The following SH3RF1 variants were observed in gnomAD, a reference collection of about 807,000 sequenced individuals.
The protein encoded by SH3RF1 is SH3 domain containing ring finger 1.
SH3RF1 carries 32 observed loss-of-function variants against 74.0 expected under a neutral mutation model. The ratio of observed to expected loss-of-function variants is 0.43; its 90% CI spans 0.33 to 0.58. SH3RF1 has a LOEUF of 0.58. Ranked by LOEUF, SH3RF1 falls within the 20% of genes least tolerant of loss-of-function variation. SH3RF1 has a pLI of 0.05. For missense variants in SH3RF1, 954 were observed against 1,130.9 expected, an observed-to-expected ratio of 0.84 and a Z score of 2.24; for synonymous variants, 396 against 439.6, an observed-to-expected ratio of 0.90 and a Z score of 1.24.
chr4:169,253,858 G>A (rs1731143608), intron 2 of SH3RF1, among the ~76,000 whole-genome samples: 1 of 152,140 alleles, frequency 6.6e-6, no homozygotes, highest in East Asian at 1.9e-4. Context: ...TGTGCCTGGG[G>A]GATAGGAGAT....
intron 6 of SH3RF1, among the ~76,000 whole-genome samples, chr4:169,127,356 C>A (rs1398850086): frequency 6.6e-6 from 1 of 152,206 alleles, no homozygotes; most frequent in Admixed American, 6.5e-5. Flanking sequence ...GAAAAGCCTG[C>A]CTTCTTTTCT....
At chr4:169,136,235 T>C in intron 5 of SH3RF1, 83 bp downstream of exon 5, 2 of 1,294,038 alleles carry the variant, frequency 1.5e-6, no homozygotes, top group Non-Finnish European at 2.0e-6. Flanking sequence ...AAGCAATGTT[T>C]GTCAGCCAGT....
chr4:169,144,912 ATAG>A (rs1453425959), intron 4 of SH3RF1, among the ~76,000 whole-genome samples: 1 of 152,162 alleles, frequency 6.6e-6, no homozygotes, highest in Non-Finnish European at 1.5e-5. Context: ...AGAGAAGAAA[ATAG>A]TAGGGGTAAG....
chr4:169,198,681 GAATA>G (rs914295965), intron 2 of SH3RF1, among the ~76,000 whole-genome samples: 12 of 151,956 alleles, frequency 7.9e-5, no homozygotes, highest in South Asian at 2.1e-4. Flanking sequence ...TTACTAAAGA[GAATA>G]AATAAAAAGA....
chr4:169,213,081 A>G (rs1423756715), intron 2 of SH3RF1, among the ~76,000 whole-genome samples: 1 of 152,208 alleles, frequency 6.6e-6, no homozygotes, highest in African/African-American at 2.4e-5. Flanking sequence ...ATATAGTAAG[A>G]GTATGTTTCG....
intron 2 of SH3RF1, among the ~76,000 whole-genome samples, chr4:169,176,754 T>C (rs1464808466): frequency 1.3e-5 from 2 of 152,140 alleles, no homozygotes; most frequent in Admixed American, 6.5e-5. Context: ...TTGGCTAGGC[T>C]GGTCTCGAAC....
chr4:169,137,194 C>A (rs576803254), intron 4 of SH3RF1, among the ~76,000 whole-genome samples: 65 of 152,316 alleles, frequency 4.3e-4, no homozygotes, highest in Non-Finnish European at 8.1e-4. Context: ...CTGGCAGAAA[C>A]TCTTAATATG....
chr4:169,236,809 A>T (rs572536843), intron 2 of SH3RF1, among the ~76,000 whole-genome samples: 1 of 152,350 alleles, frequency 6.6e-6, no homozygotes, highest in South Asian at 2.1e-4. Context: ...CCATAATAAA[A>T]TGCTACATAT....
rs1178851618 is a variant in SH3RF1 at position 169,270,870 on chromosome 4, GCTC to G, written c.-110_-108del. On this transcript the variant is annotated 5_prime_UTR_variant, in exon 1 of 12. Transcript: ENST00000284637. Reference sequence around the variant, plus strand: ...GCCGCGCGCCCTACCTCGCGCCTCGGCTCCTCCTCTTTGTTCGCGGCCCCGCAG... The same window carrying G: ...GCCGCGCGCCCTACCTCGCGCCTCGGCTCCTCTTTGTTCGCGGCCCCGCAG... 6.6e-6 allele frequency: 1 copy of G among 151,400 alleles called. No homozygotes were observed. Among genetic ancestry groups the G allele is most frequent in the Non-Finnish European group, 1.5e-5 (1 of 67,874 alleles). The allele number at this position is 151,400 out of a possible 1,614,324, so 9.4% of individuals were successfully genotyped here.
Position 169,267,109 on chromosome 4 carries a change from C to G in SH3RF1, c.393+1711G>C, listed in dbSNP as rs760727741. 1.7e-3 allele frequency among the ~76,000 whole-genome samples: 258 copies of G among 152,170 alleles called. 3 individuals carry two copies. Among genetic ancestry groups the G allele is most frequent in the Non-Finnish European group, 1.4e-3 (93 of 68,026 alleles). On this transcript the variant is annotated intron_variant, in intron 2 of 11. Coordinates refer to ENST00000284637, the MANE Select transcript of SH3RF1 (RefSeq NM_020870.4). ...TACCTATGAAGTTCAATTTTGGGAG[C>G]TTAGCAGTTCAGATAAATGAGAATT...
At chr4:169,180,944 G>A (rs1248977155) in intron 2 of SH3RF1, among the ~76,000 whole-genome samples, 3 of 152,122 alleles carry the variant, frequency 2.0e-5, no homozygotes, top group African/African-American at 7.2e-5. Flanking sequence ...GGGTTTGAAG[G>A]GTTTCACCTG....
At chr4:169,253,540 T>C (rs932066102) in intron 2 of SH3RF1, among the ~76,000 whole-genome samples, 5 of 152,180 alleles carry the variant, frequency 3.3e-5, no homozygotes, top group Admixed American at 2.6e-4. Flanking sequence ...TCTTCCCTCT[T>C]TCCGCTCCAT....
At chr4:169,102,330 A>C (rs938707472) in intron 11 of SH3RF1, among the ~76,000 whole-genome samples, 1 of 152,082 alleles carries the variant, frequency 6.6e-6, no homozygotes, top group Non-Finnish European at 1.5e-5. Flanking sequence ...CTGTAAATCT[A>C]TCTCTATCCA....
rs200527865 is a variant in SH3RF1, at chr4:169,106,876, C to G, written c.2469G>C (p.Leu823Phe). The G allele has an allele frequency of 1.2e-6, 2 of 1,610,902 alleles. No individual in the cohort carries two copies. Among genetic ancestry groups the G allele is most frequent in the East Asian group, 4.5e-5 (2 of 44,854 alleles). Residue 823 changes from leucine (L) to phenylalanine (F), a missense_variant, in exon 11 of 12, where the codon TTG (leucine) becomes TTC (phenylalanine). Physicochemically the swap from Leu to Phe is conservative, Grantham distance 22. Coordinates refer to ENST00000284637, the MANE Select transcript of SH3RF1 (RefSeq NM_020870.4). ...CACAAACGACAGGTCTAGACTCATT[C>G]AAGACAGGACCCAGGGAGGAACAGG... ...RQACSSLGPV[L>F]NESRPVVCER...
At chr4:169,248,658 A>T (rs547238591) in intron 2 of SH3RF1, among the ~76,000 whole-genome samples, 1 of 152,310 alleles carries the variant, frequency 6.6e-6, no homozygotes, top group Admixed American at 6.5e-5. Context: ...GTAAAATTTT[A>T]AAAAATTCAA....
chr4:169,141,812 C>CTTTTTT (rs35864108), intron 4 of SH3RF1, among the ~76,000 whole-genome samples: 2 of 118,518 alleles, frequency 1.7e-5, no homozygotes, highest in African/African-American at 3.2e-5. Context: ...CTAATTTTTG[C>CTTTTTT]TTTTTTTTTT....
chr4:169,263,960 T>C (rs1039326313), intron 2 of SH3RF1, among the ~76,000 whole-genome samples: 3 of 152,156 alleles, frequency 2.0e-5, no homozygotes, highest in African/African-American at 7.2e-5. Context: ...CTGAACAACT[T>C]CTCAAAGGTA....
At chr4:169,202,774 T>C (rs1446741990) in intron 2 of SH3RF1, among the ~76,000 whole-genome samples, 2 of 152,206 alleles carry the variant, frequency 1.3e-5, no homozygotes, top group Admixed American at 6.5e-5. Flanking sequence ...CTTAGATATG[T>C]TGTTGTCATC....
intron 2 of SH3RF1, among the ~76,000 whole-genome samples, chr4:169,248,343 A>G (rs74564606): frequency 0.045 from 6,864 of 152,324 alleles, 243 homozygotes; most frequent in South Asian, 0.18. Context: ...TTGCAGGGAC[A>G]TGGATGAAGC....
Sources: allele counts gnomAD v4.1 joint callset (sites outside exome capture counted in the v4.1 genomes callset), GRCh38; gene constraint gnomAD v4.1.1; transcripts MANE v1.5; gene names NCBI Gene and HGNC (gene_info 2026-07-23, HGNC 2026-07-21).